Variants in DMD observed in about 807,000 individuals in gnomAD.
DMD encodes the protein dystrophin, also known as mutant dystrophin.
Under a neutral mutation model 330.1 loss-of-function variants are expected in DMD, and 63 were observed. The ratio of observed to expected loss-of-function variants is 0.19; its 90% CI spans 0.16 to 0.24. The LOEUF (loss-of-function observed/expected upper bound fraction) is 0.24, where lower values mean the gene tolerates loss of function less well. DMD is among the 10% of genes least tolerant of loss of function. The pLI, the probability that DMD is intolerant of heterozygous loss-of-function variation, is 1.00. For synonymous variants in DMD, 1,223 were observed against 959.8 expected, an observed-to-expected ratio of 1.27 and a Z score of -5.07; for missense variants, 3,344 against 2,684.1, an observed-to-expected ratio of 1.25 and a Z score of -5.43.
At chrX:31,598,698 A>C (rs1003856979) in intron 55 of DMD, among the ~76,000 whole-genome samples, 1 of 112,094 alleles carries the variant, frequency 8.9e-6, no homozygotes, top group Non-Finnish European at 1.9e-5. Flanking sequence ...GCTACAAGTC[A>C]TATTCAGGTG....
At chrX:32,200,791 T>C (rs988080050) in intron 44 of DMD, among the ~76,000 whole-genome samples, 1 of 105,396 alleles carries the variant, frequency 9.5e-6, no homozygotes, top group African/African-American at 4.0e-5. Flanking sequence ...TCAGTGCCCA[T>C]CTCAATTAGT....
intron 28 of DMD, among the ~76,000 whole-genome samples, chrX:32,440,262 CAGAT>C (rs1041557551): frequency 1.8e-4 from 20 of 111,635 alleles, no homozygotes; most frequent in African/African-American, 5.5e-4. Context: ...TAGTCATAGT[CAGAT>C]AGAGCCAAAA....
At chrX:31,653,370 T>C (rs1364551243) in intron 54 of DMD, among the ~76,000 whole-genome samples, 1 of 111,708 alleles carries the variant, frequency 9.0e-6, no homozygotes, top group African/African-American at 3.2e-5. Flanking sequence ...TGTATATATG[T>C]ACACACATAC....
intron 9 of DMD, among the ~76,000 whole-genome samples, chrX:32,681,651 G>A (rs912602211): frequency 1.3e-4 from 15 of 111,627 alleles, no homozygotes; most frequent in Admixed American, 6.7e-4. Context: ...GCAAACTGGG[G>A]CATATAAAAG....
At chrX:31,727,082 T>G (rs1245098406) in intron 52 of DMD, among the ~76,000 whole-genome samples, 1 of 111,902 alleles carries the variant, frequency 8.9e-6, no homozygotes, top group Non-Finnish European at 1.9e-5. Context: ...TACTGTATAA[T>G]ACATTCATAT....
intron 44 of DMD, among the ~76,000 whole-genome samples, chrX:32,085,945 G>T (rs916121483): frequency 9.0e-6 from 1 of 111,401 alleles, no homozygotes; most frequent in Non-Finnish European, 1.9e-5. Flanking sequence ...AGCACTATTT[G>T]TAATAGCTAA....
chrX:32,801,090 G>C (rs930483366), intron 7 of DMD, among the ~76,000 whole-genome samples: 2 of 111,276 alleles, frequency 1.8e-5, no homozygotes, highest in Non-Finnish European at 3.8e-5. Context: ...CTAGATCCTT[G>C]AGCAATCACC....
intron 51 of DMD, among the ~76,000 whole-genome samples, chrX:31,758,785 C>G (rs2149168123): frequency 8.9e-6 from 1 of 111,973 alleles, no homozygotes; most frequent in African/African-American, 3.2e-5. Context: ...TTAAGGATGA[C>G]TGTTATTTTG....
At position 32,581,754 on chromosome X, in the gene DMD, T is replaced by G. The variant is rs906249404; in HGVS notation, c.1603-7908A>C. Among the ~76,000 whole-genome samples the G allele has an allele frequency of 3.6e-5, 4 of 111,879 alleles. No homozygotes were observed. The South Asian group carries it at 1.5e-3, about 41-fold the overall frequency. Reference sequence around the variant, plus strand: ...AGGTACTTAAACCTAGCAAGCATATTACAAGAAAGGAAAATAACAGGCCAA... The same window carrying G: ...AGGTACTTAAACCTAGCAAGCATATGACAAGAAAGGAAAATAACAGGCCAA... On this transcript the variant is annotated intron_variant, in intron 13 of 78. Coordinates refer to ENST00000357033, the MANE Select transcript of DMD (RefSeq NM_004006.3).
intron 67 of DMD, among the ~76,000 whole-genome samples, chrX:31,183,237 C>A (rs41312092): frequency 0.069 from 7,384 of 107,703 alleles, 233 homozygotes; most frequent in East Asian, 0.16. Context: ...TGAACTGATA[C>A]ATAAAAGTTA....
At chrX:33,245,290 A>G (rs905457876) in intron 1 of DMD, among the ~76,000 whole-genome samples, 2 of 110,831 alleles carry the variant, frequency 1.8e-5, no homozygotes, top group Non-Finnish European at 3.8e-5. Context: ...AAAAGTAAAA[A>G]AAAAAAAAGA....
chrX:32,584,784 T>C (rs773206424), intron 13 of DMD, among the ~76,000 whole-genome samples: 2 of 112,103 alleles, frequency 1.8e-5, no homozygotes, highest in South Asian at 3.7e-4. Flanking sequence ...TATGATACCA[T>C]AGGGCTTGAT....
intron 18 of DMD, among the ~76,000 whole-genome samples, chrX:32,503,983 G>A (rs2044353473): frequency 8.9e-6 from 1 of 112,107 alleles, no homozygotes; most frequent in South Asian, 3.7e-4. Flanking sequence ...CAAAAGAACA[G>A]ACAGGTAAAT....
intron 51 of DMD, among the ~76,000 whole-genome samples, chrX:31,770,244 C>G (rs1487334138): frequency 8.9e-6 from 1 of 112,376 alleles, no homozygotes; most frequent in Non-Finnish European, 1.9e-5. Flanking sequence ...GGCAACTAAA[C>G]TATATGTGAT....
chrX:31,934,625 T>A (rs1349261415), intron 45 of DMD, among the ~76,000 whole-genome samples: 1 of 111,303 alleles, frequency 9.0e-6, no homozygotes, highest in Non-Finnish European at 1.9e-5. Flanking sequence ...GAATATAACA[T>A]CTGATCTAGA....
rs398123849 is a variant in DMD, at chrX:31,126,666, A to C, written c.11022T>G (p.Asn3674Lys). Residue 3674 changes from asparagine (N) to lysine (K), a missense_variant, in exon 78 of 79, where the codon AAT (asparagine) becomes AAG (lysine). Asn to Lys is a moderately conservative substitution (Grantham distance 94, BLOSUM62 0). Coordinates refer to ENST00000357033, the MANE Select transcript of DMD (RefSeq NM_004006.3). ...NNSFPSSRGR[N>K]TPGKPMREDT... ...CCTCTCTCATTGGCTTTCCAGGGGT[A>C]TTTCTTCCTTTAATAATAGAGAGAG... 1.7e-6 allele frequency: 2 copies of C among 1,196,684 alleles called. No individual in the cohort carries two copies. The highest frequency in any genetic ancestry group is 2.3e-6 in the Non-Finnish European group (2 of 882,215).
chrX:31,786,061 C>T (rs2091282318), intron 50 of DMD, among the ~76,000 whole-genome samples: 1 of 112,061 alleles, frequency 8.9e-6, no homozygotes, highest in South Asian at 3.7e-4. Context: ...ATTCACACTC[C>T]CACCAACAGT....
At chrX:32,699,033 A>C (rs1454960779) in intron 8 of DMD, 79 bp downstream of exon 8, 4 of 823,201 alleles carry the variant, frequency 4.9e-6, no homozygotes, top group Non-Finnish European at 7.3e-6. Flanking sequence ...TAAGTTATAT[A>C]TATATGTGCA....
At chrX:33,237,670 G>T (rs1030829373) in intron 1 of DMD, among the ~76,000 whole-genome samples, 32 of 112,000 alleles carry the variant, frequency 2.9e-4, no homozygotes, top group Admixed American at 2.8e-4. Flanking sequence ...ATTTCTATTT[G>T]TGAAGTGGGC....
Sources: allele counts gnomAD v4.1 joint callset (sites outside exome capture counted in the v4.1 genomes callset), GRCh38; gene constraint gnomAD v4.1.1; transcripts MANE v1.5; gene names NCBI Gene and HGNC (gene_info 2026-07-23, HGNC 2026-07-21).